Variants in GRIN3B observed in about 807,000 individuals in gnomAD.
GRIN3B encodes the protein glutamate ionotropic receptor NMDA type subunit 3B.
GRIN3B carries 77 observed loss-of-function variants against 66.0 expected under a neutral mutation model. The ratio of observed to expected loss-of-function variants is 1.17; its 90% CI spans 0.97 to 1.41. GRIN3B has a LOEUF of 1.41. GRIN3B is among the 40% of genes most tolerant of loss of function. GRIN3B has a pLI of 0.00. For synonymous variants in GRIN3B, 823 were observed against 749.7 expected (o/e 1.10, Z -1.60); for missense variants, 1,787 against 1,564.5 (o/e 1.14, Z -2.40).
At chr19:1,002,707 T>TCAG (rs1173626430) in intron 1 of GRIN3B, 5 of 164,882 alleles carry the variant, frequency 3.0e-5, no homozygotes, top group African/African-American at 1.2e-4. Context: ...TGTAAAGGAA[T>TCAG]CAGGGAGGGA....
chr19:1,000,544 C>G lies in GRIN3B; in HGVS notation c.107C>G (p.Ser36Cys). 8.7e-7 allele frequency: 1 copy of G among 1,147,658 alleles called. No individual in the cohort carries two copies. Among genetic ancestry groups the G allele is most frequent in the Non-Finnish European group, 1.1e-6 (1 of 934,546 alleles). The allele number at this position is 1,147,658 out of a possible 1,614,324, so 71.1% of individuals were successfully genotyped here. Residue 36 changes from serine to cysteine, a missense_variant, in exon 1 of 9, where the codon TCC becomes TGC. By Grantham distance (112) the Ser-to-Cys change is moderately radical. Transcript: ENST00000234389. ...PCGVLARLGG[S>C]VRLGALLPRA... ...GGCGTCCTGGCGCGCCTCGGGGGCT[C>G]CGTGCGCCTGGGCGCCCTCCTGCCC...
At chr19:1,001,368 C>T (rs1403831998) in intron 1 of GRIN3B, among the ~76,000 whole-genome samples, 3 of 152,018 alleles carry the variant, frequency 2.0e-5, no homozygotes, top group Admixed American at 6.6e-5. Context: ...CTCCCCGTCC[C>T]CTCCCAGAGG....
intron 1 of GRIN3B, chr19:1,002,528 TC>T (rs912952125): frequency 6.7e-6 from 1 of 149,296 alleles, no homozygotes; most frequent in African/African-American, 2.5e-5. Flanking sequence ...AGGGGGCCCC[TC>T]AGCCCTCCAT....
Position 1,003,369 on chromosome 19 carries a change from G to A in GRIN3B, c.666G>A (p.Met222Ile). Residue 222 changes from methionine (M) to isoleucine (I), a missense_variant, in exon 2 of 9, where the codon ATG (methionine) becomes ATA (isoleucine). Transcript: ENST00000234389. Reference protein sequence around the residue: ...DAGLRARLAPMAAPVGGEAPV... With the variant: ...DAGLRARLAPIAAPVGGEAPV... ...GACTGCGGGCACGCCTGGCCCCGAT[G>A]GCGGCGCCAGTGGGGGGTGAAGCAC... The A allele has an allele frequency of 1.9e-6, 3 of 1,572,506 alleles. No individual in the cohort carries two copies. Among genetic ancestry groups the A allele is most frequent in the Non-Finnish European group, 1.7e-6 (2 of 1,164,054 alleles).
In GRIN3B at chr19:1,004,637, G is replaced by A; in HGVS notation, c.1136G>A (p.Gly379Asp). Residue 379 changes from glycine (G) to aspartate (D), a missense_variant, in exon 3 of 9, where the codon GGC becomes GAC. Coordinates refer to ENST00000234389, the MANE Select transcript of GRIN3B (RefSeq NM_138690.3). ...KVWSLRRDPR[G>D]APAWATVGSW... ...TGGAGCCTTCGCCGGGACCCACGGGGCGCCCCGGCCTGGGCCACGGTGGGC... is the reference window on the plus strand; with the variant it reads ...TGGAGCCTTCGCCGGGACCCACGGGACGCCCCGGCCTGGGCCACGGTGGGC... The A allele has an allele frequency of 1.9e-6, 3 of 1,601,716 alleles. No homozygotes were observed. Among genetic ancestry groups the A allele is most frequent in the Non-Finnish European group, 2.6e-6 (3 of 1,174,718 alleles).
Position 1,009,227 on chromosome 19 carries a change from G to C in GRIN3B, c.2757G>C (p.Glu919Asp), listed in dbSNP as rs750024778. ...AGCAGGACCAGCCAACGGCTCCGGA[G>C]GGCTGGAAACGGGCGCGCCGGGCCG... ...QQQQDQPTAP[E>D]GWKRARRAVD... is the part of the protein sequence containing the mutation. The change falls in exon 9 of 9, where the codon GAG becomes GAC. Residue 919 changes from glutamate to aspartate, a missense_variant. By Grantham distance (45) the Glu-to-Asp change is conservative. Coordinates refer to ENST00000234389, the MANE Select transcript of GRIN3B (RefSeq NM_138690.3). The C allele has an allele frequency of 7.0e-5, 103 of 1,462,780 alleles. No individual in the cohort carries two copies. The highest frequency in any genetic ancestry group is 9.0e-5 in the Non-Finnish European group (101 of 1,118,918). 90.6% of individuals were successfully genotyped at this position (1,462,780 alleles called of 1,614,324 possible).
At position 1,007,761 on chromosome 19, in the gene GRIN3B, T is replaced by A. The variant is rs1379813880; in HGVS notation, c.2186T>A (p.Val729Asp). ...AGCGCGCCCACCACGCCCCGCGGCG[T>A]CGCCATGCTCACGTGAGCCCGGGCG... The part of the protein sequence containing the change: ...RHSAPTTPRG[V>D]AMLTSDPPKL... Residue 729 changes from valine (V) to aspartate (D), a missense_variant, in exon 4 of 9, where the codon GTC becomes GAC. Transcript: ENST00000234389. The surrounding 1 kb of genome is among the most constrained non-coding windows in gnomAD (Gnocchi z 4.4). 2 of 1,514,806 alleles carry A rather than the reference T, an allele frequency of 1.3e-6. No individual in the cohort carries two copies. The highest frequency in any genetic ancestry group is 2.7e-5 in the East Asian group (1 of 37,368). The allele number at this position is 1,514,806 out of a possible 1,614,324, so 93.8% of individuals were successfully genotyped here. A position where few individuals can be genotyped will look rare whatever the true frequency, so the allele number is the denominator to read the frequency against.
rs781331715 is a variant in GRIN3B at position 1,008,722 on chromosome 19, C to T, written c.2571C>T (p.Arg857=). The change falls in exon 7 of 9, where the codon CGC becomes CGT. Residue 857 remains arginine, a synonymous_variant. Coordinates refer to ENST00000234389, the MANE Select transcript of GRIN3B (RefSeq NM_138690.3). ...LSSLGEHAFF[R]LALPRIRKGS... ...CGCTGGGCGAGCACGCCTTCTTCCG[C>T]CTGGCGCTGCCGCGCATCCGCAAGG... 8.7e-6 allele frequency: 14 copies of T among 1,608,548 alleles called. No homozygotes were observed. The Admixed American group carries it at 1.0e-4, about 12-fold the overall frequency.
Position 1,009,081 on chromosome 19 carries a change from C to T in GRIN3B, c.2703-92C>T. 11 of 1,441,784 alleles carry T rather than the reference C, an allele frequency of 7.6e-6. No homozygotes were observed. The East Asian group carries it at 1.5e-4, about 20-fold the overall frequency. The allele number at this position is 1,441,784 out of a possible 1,614,324, so 89.3% of individuals were successfully genotyped here. A position where few individuals can be genotyped will look rare whatever the true frequency, so the allele number is the denominator to read the frequency against. The stretch of plus-strand genomic sequence containing the variant: ...ACCGTGGCTCCCTGGTTGTGCCTGT[C>T]GGCCATCCTCTGCCGTCAGCGGCCT... On this transcript the variant is annotated intron_variant, in intron 8 of 8. Transcript: ENST00000234389.
At chr19:1,001,738 T>C (rs1384644914) in intron 1 of GRIN3B, among the ~76,000 whole-genome samples, 1 of 151,934 alleles carries the variant, frequency 6.6e-6, no homozygotes, top group Non-Finnish European at 1.5e-5. Flanking sequence ...AGGGGGGGTC[T>C]CTTAGCCCAG....
At position 1,003,243 on chromosome 19, in the gene GRIN3B, C is replaced by T. The variant is rs2038701678; in HGVS notation, c.540C>T (p.Arg180=). The T allele has an allele frequency of 6.3e-7, 1 of 1,576,636 alleles. No individual in the cohort carries two copies. The highest frequency in any genetic ancestry group is 1.8e-5 in the Admixed American group (1 of 55,584). Residue 180 remains arginine, a synonymous_variant, in exon 2 of 9, where the codon CGC becomes CGT. Transcript: ENST00000234389. Reference sequence around the variant, plus strand: ...AAGACGTCGGCCTGGCCCTGTGCCGCACTCAGGACCCCGGCGGCCTGGTGG... The same window carrying T: ...AAGACGTCGGCCTGGCCCTGTGCCGTACTCAGGACCCCGGCGGCCTGGTGG... ...AWEDVGLALC[R]TQDPGGLVAL...
intron 1 of GRIN3B, chr19:1,002,142 AAT>A (rs1481400900): frequency 1.3e-5 from 2 of 152,326 alleles, no homozygotes; most frequent in East Asian, 3.9e-4. Flanking sequence ...CAGCCTGGGC[AAT>A]ATGGCGAGAC....
chr19:1,008,601 T>G lies in GRIN3B; in HGVS notation c.2467-17T>G. ...CCATTACGTGACCGTGCGGGGCTCC[T>G]GCTGTGTTGCCCCCAGACCCTGCAG... On this transcript the variant is annotated splice_polypyrimidine_tract_variant and intron_variant, in intron 6 of 8. Transcript: ENST00000234389. The G allele has an allele frequency of 6.3e-7, 1 of 1,593,088 alleles. No individual in the cohort carries two copies. The highest frequency in any genetic ancestry group is 8.5e-7 in the Non-Finnish European group (1 of 1,175,532).
rs1271137463 is a variant in GRIN3B at position 1,000,496 on chromosome 19, C to A, written c.59C>A (p.Ala20Glu). The A allele has an allele frequency of 3.7e-5, 45 of 1,201,574 alleles. No individual in the cohort carries two copies. The highest frequency in any genetic ancestry group is 4.3e-5 in the Non-Finnish European group (42 of 967,926). 74.4% of individuals were successfully genotyped at this position (1,201,574 alleles called of 1,614,324 possible). A position where few individuals can be genotyped will look rare whatever the true frequency, so the allele number is the denominator to read the frequency against. The change falls in exon 1 of 9, where the codon GCG becomes GAG. Residue 20 changes from alanine (A) to glutamate (E), a missense_variant. By Grantham distance (107) the Ala-to-Glu change is moderately radical (BLOSUM62 -1). Coordinates refer to ENST00000234389, the MANE Select transcript of GRIN3B (RefSeq NM_138690.3). ...GCGCTGGCGCTGGGGCCGGGGTCCG[C>A]GGGGGGCCACCCTCAGCCGTGCGGC... is the stretch of plus-strand genomic sequence containing the variant. ...GLALALGPGS[A>E]GGHPQPCGVL...
chr19:1,000,750 G>T lies in GRIN3B; in HGVS notation c.313G>T (p.Ala105Ser). The change falls in exon 1 of 9, where the codon GCC becomes TCC. Residue 105 changes from alanine (A) to serine (S), a missense_variant. By Grantham distance (99) the Ala-to-Ser change is moderately conservative. Transcript: ENST00000234389. ...GCCTCCGGGCGTGGCGGCCCTGCTC[G>T]CCTTTCCCGAGGCTCGGCCCGAGCT... ...LVPPGVAALLAFPEARPELLQ... is the reference protein window; with the variant it reads ...LVPPGVAALLSFPEARPELLQ... 6.9e-7 allele frequency: 1 copy of T among 1,444,370 alleles called. No homozygotes were observed. Among genetic ancestry groups the T allele is most frequent in the Non-Finnish European group, 9.1e-7 (1 of 1,103,440 alleles). 89.5% of individuals were successfully genotyped at this position (1,444,370 alleles called of 1,614,324 possible). A position where few individuals can be genotyped will look rare whatever the true frequency, so the allele number is the denominator to read the frequency against.
In GRIN3B at chr19:1,004,933, G is replaced by A. The variant is rs945871154; in HGVS notation, c.1432G>A (p.Gly478Ser). The part of the protein sequence containing the change: ...APRALRKCCY[G>S]YCIDLLERLA... ...CCGTGCCCTGCGCAAGTGCTGCTAC[G>A]GCTACTGCATTGACCTGCTGGAGCG... Residue 478 changes from glycine (G) to serine (S), a missense_variant, in exon 3 of 9, where the codon GGC (glycine) becomes AGC (serine). Coordinates refer to ENST00000234389, the MANE Select transcript of GRIN3B (RefSeq NM_138690.3). 12 of 1,612,032 alleles carry A rather than the reference G, an allele frequency of 7.4e-6. No individual in the cohort carries two copies. In the Admixed American group the frequency reaches 8.3e-5, roughly 11 times the overall value.
rs771722846 is a variant in GRIN3B at position 1,008,842 on chromosome 19, T to C, written c.2632-15T>C. ...CCCCCGCCTCCTCGCCAACCGGGTC[T>C]GTCTGGGGTCTTAGAAAATCCACCG... On this transcript the variant is annotated splice_polypyrimidine_tract_variant and intron_variant, in intron 7 of 8. Coordinates refer to ENST00000234389, the MANE Select transcript of GRIN3B (RefSeq NM_138690.3). 15 of 1,600,920 alleles carry C rather than the reference T, an allele frequency of 9.4e-6. No homozygotes were observed. The highest frequency in any genetic ancestry group is 1.3e-5 in the Non-Finnish European group (15 of 1,173,950).
chr19:1,004,739 T>A lies in GRIN3B; in HGVS notation c.1238T>A (p.Val413Asp). The A allele has an allele frequency of 6.2e-7, 1 of 1,609,320 alleles. No individual in the cohort carries two copies. The change falls in exon 3 of 9, where the codon GTC (valine) becomes GAC (aspartate). Residue 413 changes from valine (V) to aspartate (D), a missense_variant. Transcript: ENST00000234389. The part of the protein sequence containing the change: ...ARPPPPQGAQ[V>D]WPKLRVVTLL... The stretch of plus-strand genomic sequence containing the variant: ...CCCCCGCCCCCACAGGGTGCCCAGG[T>A]CTGGCCCAAGCTGCGTGTGGTAACG...
At position 1,004,794 on chromosome 19, in the gene GRIN3B, T is replaced by C; in HGVS notation, c.1293T>C (p.Arg431=). The C allele has an allele frequency of 6.2e-7, 1 of 1,612,824 alleles. No individual in the cohort carries two copies. ...TLLEHPFVFA[R]DPDEDGQCPA... ...TGGAACACCCATTTGTGTTTGCCCGTGATCCAGACGAAGACGGGCAGTGCC... is the reference window on the plus strand; with the variant it reads ...TGGAACACCCATTTGTGTTTGCCCGCGATCCAGACGAAGACGGGCAGTGCC... Residue 431 remains arginine, a synonymous_variant, in exon 3 of 9, where the codon CGT becomes CGC. Coordinates refer to ENST00000234389, the MANE Select transcript of GRIN3B (RefSeq NM_138690.3).
Sources: gnomAD v4.1 joint callset for allele counts (sites outside exome capture counted in the v4.1 genomes callset) on GRCh38, gnomAD v4.1.1 for gene constraint, Gnocchi (gnomAD v3.1) non-coding constraint, MANE v1.5 for transcripts, NCBI Gene and HGNC (gene_info 2026-07-23, HGNC 2026-07-21) for gene names.